The following GALNT2 variants were observed in gnomAD, a reference collection of about 807,000 sequenced individuals.
The protein encoded by GALNT2 is polypeptide N-acetylgalactosaminyltransferase 2.
GALNT2 carries 31 observed loss-of-function variants against 81.4 expected under a neutral mutation model. The ratio of observed to expected loss-of-function variants is 0.38; its 90% CI spans 0.29 to 0.51. The LOEUF is 0.51. GALNT2 is among the 20% of genes least tolerant of loss of function. The pLI, the probability that GALNT2 is intolerant of heterozygous loss-of-function variation, is 0.87. For missense variants in GALNT2, 629 were observed against 765.7 expected (o/e 0.82, Z 2.11); for synonymous variants, 303 against 287.4 (o/e 1.05, Z -0.55).
Position 230,215,681 on chromosome 1 carries a change from A to C in GALNT2, c.374+12391A>C, listed in dbSNP as rs149320768. On this transcript the variant is annotated intron_variant, in intron 3 of 15. Coordinates refer to ENST00000366672, the MANE Select transcript of GALNT2 (RefSeq NM_004481.5). Reference sequence around the variant, plus strand: ...GTTGGGATGTGTTGCTTTTATTAATAGCTCAACCAGCTGTTAGCTCCCAGA... The same window carrying C: ...GTTGGGATGTGTTGCTTTTATTAATCGCTCAACCAGCTGTTAGCTCCCAGA... Among the ~76,000 whole-genome samples the C allele has an allele frequency of 2.7e-3, 415 of 152,340 alleles. 1 individual carries two copies. The highest frequency in any genetic ancestry group is 9.6e-3 in the African/African-American group (401 of 41,572).
At chr1:230,182,612 T>G (rs79058892) in intron 2 of GALNT2, among the ~76,000 whole-genome samples, 3,378 of 152,342 alleles carry the variant, frequency 0.022, 119 homozygotes, top group African/African-American at 0.075. Context: ...CTGATTTCTG[T>G]TCTTTTCAAT....
rs1463383858 is a variant in GALNT2, at chr1:230,067,247, C to G, written c.-34C>G. On this transcript the variant is annotated 5_prime_UTR_variant, in exon 1 of 16. Coordinates refer to ENST00000366672, the MANE Select transcript of GALNT2 (RefSeq NM_004481.5). Reference sequence around the variant, plus strand: ...GGCCGGCCCAGGCAGCACTCGCGAGCAGCGGCGGCCCCGCCGGCGGCCGAG... The same window carrying G: ...GGCCGGCCCAGGCAGCACTCGCGAGGAGCGGCGGCCCCGCCGGCGGCCGAG... 8.0e-6 allele frequency: 10 copies of G among 1,251,374 alleles called. No homozygotes were observed. Among genetic ancestry groups the G allele is most frequent in the Non-Finnish European group, 1.0e-5 (10 of 990,702 alleles). 77.5% of individuals were successfully genotyped at this position (1,251,374 alleles called of 1,614,324 possible).
At chr1:230,177,836 C>A (rs1194970957) in intron 1 of GALNT2, among the ~76,000 whole-genome samples, 1 of 152,220 alleles carries the variant, frequency 6.6e-6, no homozygotes, top group Non-Finnish European at 1.5e-5. Context: ...GAGCTACCTT[C>A]ATTTTAATGG....
At chr1:230,251,897 G>T (rs1429664904) in intron 10 of GALNT2, among the ~76,000 whole-genome samples, 4 of 152,130 alleles carry the variant, frequency 2.6e-5, no homozygotes, top group Non-Finnish European at 4.4e-5. Flanking sequence ...CCCAGAGACT[G>T]GGGGGTAGAT....
intron 1 of GALNT2, among the ~76,000 whole-genome samples, chr1:230,097,892 T>C (rs1295791746): frequency 1.3e-5 from 2 of 152,246 alleles, no homozygotes; most frequent in East Asian, 3.8e-4. Flanking sequence ...GTTTGGTCGC[T>C]ATACAACAGA....
intron 3 of GALNT2, among the ~76,000 whole-genome samples, chr1:230,204,257 A>C (rs1376636700): frequency 6.6e-6 from 1 of 150,464 alleles, no homozygotes; most frequent in Non-Finnish European, 1.5e-5. Flanking sequence ...CTACTCCTCT[A>C]CTTCCCAGGT....
intron 2 of GALNT2, among the ~76,000 whole-genome samples, chr1:230,195,223 C>T (rs900869894): frequency 5.9e-5 from 9 of 152,158 alleles, no homozygotes; most frequent in East Asian, 3.9e-4. Context: ...ACTGAGGTGC[C>T]GGCAGAGCAG....
At chr1:230,274,306 C>T (rs1220461360) in intron 14 of GALNT2, 139 bp from the exon 15 acceptor site, 5 of 1,149,442 alleles carry the variant, frequency 4.3e-6, no homozygotes, top group Non-Finnish European at 2.4e-6. Context: ...GTAATTGTTT[C>T]GTTCTCAGTT....
chr1:230,203,893 T>G (rs1000168800), intron 3 of GALNT2, among the ~76,000 whole-genome samples: 7 of 152,338 alleles, frequency 4.6e-5, no homozygotes, highest in Admixed American at 3.9e-4. Context: ...GGTGCGATCA[T>G]AGCTCACTGT....
At chr1:230,233,688 T>A (rs1275166716) in intron 3 of GALNT2, among the ~76,000 whole-genome samples, 1 of 152,138 alleles carries the variant, frequency 6.6e-6, no homozygotes, top group African/African-American at 2.4e-5. Flanking sequence ...GTGAAGGGAA[T>A]GTTTCCCTCC....
At chr1:230,058,388 C>T (rs1029563524) in intron 1 of GALNT2, among the ~76,000 whole-genome samples, 3 of 152,154 alleles carry the variant, frequency 2.0e-5, no homozygotes, top group Non-Finnish European at 4.4e-5. Flanking sequence ...CCTAAGCCCC[C>T]GTGATGCTGT....
At chr1:230,097,061 T>C (rs1660273533) in intron 1 of GALNT2, among the ~76,000 whole-genome samples, 2 of 152,186 alleles carry the variant, frequency 1.3e-5, no homozygotes, top group South Asian at 4.1e-4. Flanking sequence ...AAAAGAGAAA[T>C]GTCGCTTGAC....
intron 1 of GALNT2, among the ~76,000 whole-genome samples, chr1:230,097,021 C>T (rs1279315015): frequency 6.6e-6 from 1 of 152,146 alleles, no homozygotes; most frequent in African/African-American, 2.4e-5. Context: ...TCCAAAGCTA[C>T]AACTGTGAAG....
At chr1:230,164,540 CTT>C (rs747922205) in intron 1 of GALNT2, among the ~76,000 whole-genome samples, 24 of 142,160 alleles carry the variant, frequency 1.7e-4, no homozygotes, top group Admixed American at 1.4e-4. Flanking sequence ...GGCCCTTTTT[CTT>C]TTTTTTTTTT....
chr1:230,266,971 G>A (rs544756178), intron 14 of GALNT2, among the ~76,000 whole-genome samples: 2 of 148,072 alleles, frequency 1.4e-5, no homozygotes, highest in South Asian at 4.4e-4. Flanking sequence ...TGTGCTTCCA[G>A]TGCCTGTGCA....
intron 11 of GALNT2, among the ~76,000 whole-genome samples, chr1:230,256,283 TAAA>T (rs1044300158): frequency 1.3e-5 from 2 of 152,094 alleles, no homozygotes; most frequent in African/African-American, 4.8e-5. Flanking sequence ...GCATCTCTAC[TAAA>T]AATACAAAAA....
intron 1 of GALNT2, among the ~76,000 whole-genome samples, chr1:230,100,550 T>C (rs982533947): frequency 1.3e-5 from 2 of 152,188 alleles, no homozygotes; most frequent in African/African-American, 4.8e-5. Flanking sequence ...GGTCTCGAAC[T>C]CGCCACCTCA....
chr1:230,272,407 C>T (rs1282387720), intron 14 of GALNT2, among the ~76,000 whole-genome samples: 2 of 152,156 alleles, frequency 1.3e-5, no homozygotes, highest in South Asian at 2.1e-4. Context: ...TCTTCAGAGC[C>T]TTTAATAGAC....
intron 1 of GALNT2, among the ~76,000 whole-genome samples, chr1:230,141,902 T>C (rs753320775): frequency 6.8e-6 from 1 of 147,354 alleles, no homozygotes; most frequent in Non-Finnish European, 1.5e-5. Context: ...TTTTCCCGCC[T>C]CTGCCTCCCA....
Sources: allele counts gnomAD v4.1 joint callset (sites outside exome capture counted in the v4.1 genomes callset), GRCh38; gene constraint gnomAD v4.1.1; transcripts MANE v1.5; gene names NCBI Gene and HGNC (gene_info 2026-07-23, HGNC 2026-07-21).